The following TBC1D22A variants were observed in gnomAD, a reference collection of about 807,000 sequenced individuals.
TBC1D22A encodes the protein putative GTPase activator.
In TBC1D22A, 38 loss-of-function variants were observed where a neutral mutation model predicts 60.2. The ratio of observed to expected loss-of-function variants is 0.63; its 90% CI spans 0.49 to 0.83. The LOEUF (loss-of-function observed/expected upper bound fraction) is 0.83. Ranked by LOEUF, TBC1D22A falls within the 40% of genes least tolerant of loss-of-function variation. The pLI is 0.00. For synonymous variants in TBC1D22A, 302 were observed against 281.7 expected, an observed-to-expected ratio of 1.07 and a Z score of -0.72; for missense variants, 628 against 701.0, an observed-to-expected ratio of 0.90 and a Z score of 1.18.
chr22:47,008,605 G>A (rs1037298443), intron 10 of TBC1D22A, among the ~76,000 whole-genome samples: 7 of 152,204 alleles, frequency 4.6e-5, no homozygotes, highest in East Asian at 1.9e-4. Context: ...GACCTGGTCC[G>A]TATCTGCAGG....
Position 46,997,685 on chromosome 22 carries a change from G to A in TBC1D22A, c.1177G>A (p.Glu393Lys), listed in dbSNP as rs747575625. Residue 393 changes from glutamate to lysine, a missense_variant, in exon 10 of 13, where the codon GAA becomes AAA. Transcript: ENST00000337137. ...GATTCAAATGAAAGTGAAAATGTTAGAAGAACTCGTGAGCCGGATTGATGG... is the reference window on the plus strand; with the variant it reads ...GATTCAAATGAAAGTGAAAATGTTAAAAGAACTCGTGAGCCGGATTGATGG... The part of the protein sequence containing the change: ...PGIQMKVKML[E>K]ELVSRIDEQV... The A allele has an allele frequency of 1.9e-6, 3 of 1,614,026 alleles. No individual in the cohort carries two copies. Among genetic ancestry groups the A allele is most frequent in the Non-Finnish European group, 2.5e-6 (3 of 1,180,008 alleles).
intron 4 of TBC1D22A, among the ~76,000 whole-genome samples, chr22:46,814,192 G>C (rs992771616): frequency 1.3e-5 from 2 of 152,168 alleles, no homozygotes; most frequent in Non-Finnish European, 2.9e-5. Flanking sequence ...AGAAACTACT[G>C]AGAGTAATAA....
chr22:46,824,550 A>C (rs76169883), intron 4 of TBC1D22A, among the ~76,000 whole-genome samples: 13,196 of 152,224 alleles, frequency 0.087, 668 homozygotes, highest in Non-Finnish European at 0.11. Flanking sequence ...GTCACATTCC[A>C]TGCTAGTTGT....
chr22:47,125,263 T>G (rs2066414569), intron 12 of TBC1D22A, among the ~76,000 whole-genome samples: 1 of 152,162 alleles, frequency 6.6e-6, no homozygotes, highest in South Asian at 2.1e-4. Flanking sequence ...GGAGAGCCCA[T>G]GGGATTCCCA....
At chr22:47,042,823 T>C (rs910057695) in intron 11 of TBC1D22A, among the ~76,000 whole-genome samples, 1 of 152,254 alleles carries the variant, frequency 6.6e-6, no homozygotes, top group Non-Finnish European at 1.5e-5. Flanking sequence ...ACCTGATCCT[T>C]GTTCAGTATC....
At chr22:46,786,449 A>G (rs1033645438) in intron 1 of TBC1D22A, among the ~76,000 whole-genome samples, 1 of 152,074 alleles carries the variant, frequency 6.6e-6, no homozygotes, top group African/African-American at 2.4e-5. Flanking sequence ...TATTCATAAG[A>G]GATACTGGTT....
At chr22:46,858,434 C>G (rs554725292) in intron 4 of TBC1D22A, among the ~76,000 whole-genome samples, 1 of 148,784 alleles carries the variant, frequency 6.7e-6, no homozygotes, top group African/African-American at 2.5e-5. Flanking sequence ...CGCCCTGTGC[C>G]GGCAGGCTTT....
chr22:47,115,872 G>C (rs1228216375), intron 12 of TBC1D22A: 1 of 152,252 alleles, frequency 6.6e-6, no homozygotes, highest in African/African-American at 2.4e-5. Flanking sequence ...TGACCGGCTG[G>C]GGGTGTAGTT....
At chr22:47,120,691 C>T (rs183658291) in intron 12 of TBC1D22A, among the ~76,000 whole-genome samples, 14 of 152,290 alleles carry the variant, frequency 9.2e-5, no homozygotes, top group Admixed American at 2.0e-4. Context: ...ACAAAATGGC[C>T]CTTGTAGGTT....
intron 11 of TBC1D22A, among the ~76,000 whole-genome samples, chr22:47,050,415 A>G (rs973311656): frequency 6.6e-6 from 1 of 152,168 alleles, no homozygotes; most frequent in Non-Finnish European, 1.5e-5. Context: ...TTTTATTTCC[A>G]TGGCTGCTAT....
chr22:47,146,278 C>T (rs114000633), intron 12 of TBC1D22A, among the ~76,000 whole-genome samples: 2,737 of 152,312 alleles, frequency 0.018, 76 homozygotes, highest in African/African-American at 0.063. Context: ...CCTCCAAACC[C>T]GTTCACGCTA....
chr22:46,955,648 C>T (rs911185667), intron 8 of TBC1D22A, among the ~76,000 whole-genome samples: 6 of 152,126 alleles, frequency 3.9e-5, no homozygotes, highest in Admixed American at 1.3e-4. Context: ...CTGAAAAAAC[C>T]GTCTAACTTC....
intron 4 of TBC1D22A, among the ~76,000 whole-genome samples, chr22:46,858,658 G>A (rs949693375): frequency 1.3e-5 from 2 of 152,230 alleles, no homozygotes; most frequent in Admixed American, 6.5e-5. Flanking sequence ...GGTGGACCGA[G>A]GGGGAGCGCT....
In TBC1D22A at chr22:46,934,838, C is replaced by T. The variant is rs532273331; in HGVS notation, c.1015+22650C>T. ...TGTGAAATATGGTCTGCCCACCCTTCGCCTGTCCAGGGGCCCTCCCTGGGC... is the reference window on the plus strand; with the variant it reads ...TGTGAAATATGGTCTGCCCACCCTTTGCCTGTCCAGGGGCCCTCCCTGGGC... On this transcript the variant is annotated intron_variant, in intron 8 of 12. Transcript: ENST00000337137. Among the ~76,000 whole-genome samples the T allele has an allele frequency of 5.9e-5, 9 of 152,308 alleles. No homozygotes were observed. In the South Asian group the frequency reaches 1.2e-3, roughly 21 times the overall value.
At chr22:46,792,745 C>A in intron 2 of TBC1D22A, 169 bp downstream of exon 2, 1 of 1,499,372 alleles carries the variant, frequency 6.7e-7, no homozygotes, top group Non-Finnish European at 8.9e-7. Flanking sequence ...TACTGTGCAC[C>A]CCGTGCTGCG....
In TBC1D22A at chr22:47,098,067, A is replaced by G. The variant is rs374944834; in HGVS notation, c.1330-13441A>G. On this transcript the variant is annotated intron_variant, in intron 11 of 12. Coordinates refer to ENST00000337137, the MANE Select transcript of TBC1D22A (RefSeq NM_014346.5). ...AATTTACTGGACGTAGTAAAGAAAA[A>G]AAAAAGAAAAAGAAAAAAAATCAGG... is the stretch of plus-strand genomic sequence containing the variant. 1.3e-4 allele frequency among the ~76,000 whole-genome samples: 20 copies of G among 152,308 alleles called. 1 individual carries two copies. Among genetic ancestry groups the G allele is most frequent in the Admixed American group, 1.0e-3 (16 of 15,294 alleles).
intron 12 of TBC1D22A, among the ~76,000 whole-genome samples, chr22:47,143,654 C>A (rs1445034613): frequency 1.3e-5 from 2 of 152,216 alleles, no homozygotes; most frequent in African/African-American, 2.4e-5. Flanking sequence ...CCTGCAGGGT[C>A]CCCTGAGCTC....
chr22:46,777,343 C>T lies in TBC1D22A; in HGVS notation c.62+14495C>T, dbSNP rs2083748093. ...GAGCACATTGTCTATTTTTGTGTGACTGGTAGAGAGTGATGTTGTCCAAGG... is the reference window on the plus strand; with the variant it reads ...GAGCACATTGTCTATTTTTGTGTGATTGGTAGAGAGTGATGTTGTCCAAGG... On this transcript the variant is annotated intron_variant, in intron 1 of 12. Coordinates refer to ENST00000337137, the MANE Select transcript of TBC1D22A (RefSeq NM_014346.5). This position sits in a 1 kb window ranked among gnomAD's most constrained non-coding sequence, Gnocchi z 4.5. Among the ~76,000 whole-genome samples the T allele has an allele frequency of 6.6e-6, 1 of 152,090 alleles. No homozygotes were observed. The highest frequency in any genetic ancestry group is 2.1e-4 in the South Asian group (1 of 4,828).
chr22:47,029,670 C>T (rs1007244190), intron 10 of TBC1D22A, among the ~76,000 whole-genome samples: 1 of 152,230 alleles, frequency 6.6e-6, no homozygotes, highest in Non-Finnish European at 1.5e-5. Context: ...TGGCAGGAGC[C>T]CTGCCTGTTT....
Sources: allele counts gnomAD v4.1 joint callset (sites outside exome capture counted in the v4.1 genomes callset), GRCh38; gene constraint gnomAD v4.1.1; non-coding constraint Gnocchi (gnomAD v3.1); transcripts MANE v1.5; gene names NCBI Gene and HGNC (gene_info 2026-07-23, HGNC 2026-07-21).